Variants in ECE1 observed in about 807,000 individuals in gnomAD.
The protein encoded by ECE1 is endothelin converting enzyme 1.
In ECE1, 35 loss-of-function variants were observed where a neutral mutation model predicts 98.6. That is an observed-to-expected ratio of 0.35 (90% confidence interval 0.27 to 0.47). The LOEUF (loss-of-function observed/expected upper bound fraction) is 0.47. Ranked by LOEUF, ECE1 falls within the 20% of genes least tolerant of loss-of-function variation. The pLI is 1.00. For synonymous variants in ECE1, 394 were observed against 407.1 expected (o/e 0.97, Z 0.39); for missense variants, 814 against 1,025.3 (o/e 0.79, Z 2.81).
At chr1:21,259,434 A>AC (rs2098224006) in intron 5 of ECE1, among the ~76,000 whole-genome samples, 2 of 151,974 alleles carry the variant, frequency 1.3e-5, no homozygotes, top group African/African-American at 4.8e-5. Flanking sequence ...CACCTGGCTA[A>AC]TTTTTAAATT....
Position 21,225,145 on chromosome 1 carries a change from A to G in ECE1, c.2040+105T>C. 2 of 1,466,416 alleles carry G rather than the reference A, an allele frequency of 1.4e-6. No homozygotes were observed. Among genetic ancestry groups the G allele is most frequent in the Non-Finnish European group, 1.9e-6 (2 of 1,075,024 alleles). The allele number at this position is 1,466,416 out of a possible 1,614,324, so 90.8% of individuals were successfully genotyped here. On this transcript the variant is annotated intron_variant, in intron 17 of 18. Transcript: ENST00000374893. This position sits in a 1 kb window ranked among gnomAD's most constrained non-coding sequence, Gnocchi z 5.3. ...CGCAGAAGAGGAAACGGAAGCTCGC[A>G]CGGCTGCTGCGCCTGCCCTGGTTGT...
At chr1:21,289,951 C>T in intron 2 of ECE1, 119 bp downstream of exon 2, 5 of 1,130,302 alleles carry the variant, frequency 4.4e-6, no homozygotes, top group Non-Finnish European at 5.4e-6. Flanking sequence ...GATGCCGGGA[C>T]GAGGGAGGGG....
intron 1 of ECE1, among the ~76,000 whole-genome samples, chr1:21,301,223 G>C (rs544475615): frequency 6.6e-6 from 1 of 152,176 alleles, no homozygotes; most frequent in African/African-American, 2.4e-5. Context: ...GGCCGGGCGC[G>C]GTGGCTCACA....
At chr1:21,245,205 AC>A in intron 9 of ECE1, 102 bp from the exon 10 acceptor site, 2 of 982,086 alleles carry the variant, frequency 2.0e-6, no homozygotes, top group Non-Finnish European at 1.6e-6. Flanking sequence ...TTGGCCTGTG[AC>A]CCCAGGCCCC....
intron 17 of ECE1, among the ~76,000 whole-genome samples, chr1:21,224,552 G>A (rs144663684): frequency 3.1e-4 from 47 of 152,286 alleles, no homozygotes; most frequent in Non-Finnish European, 6.3e-4. Context: ...AATACTCCAA[G>A]CCTGGCACTT....
At position 21,233,012 on chromosome 1, in the gene ECE1, G is replaced by A. The variant is rs370897235; in HGVS notation, c.1670+546C>T. The A allele has an allele frequency of 5.1e-4, 79 of 154,428 alleles. 1 individual carries two copies. The highest frequency in any genetic ancestry group is 2.8e-3 in the Admixed American group (44 of 15,702). 9.6% of individuals were successfully genotyped at this position (154,428 alleles called of 1,614,324 possible). A position where few individuals can be genotyped will look rare whatever the true frequency, so the allele number is the denominator to read the frequency against. On this transcript the variant is annotated intron_variant, in intron 14 of 18. Transcript: ENST00000374893. The surrounding 1 kb of genome is among the most constrained non-coding windows in gnomAD (Gnocchi z 4.0). The stretch of plus-strand genomic sequence containing the variant: ...GTATCTTTGAAAAAGTTCCCCAGAG[G>A]ACTCTGATGTGCAGTGAGCTTTGGG...
chr1:21,318,102 G>A (rs1558430621), intron 1 of ECE1, among the ~76,000 whole-genome samples: 1 of 152,220 alleles, frequency 6.6e-6, no homozygotes, highest in South Asian at 2.1e-4. Flanking sequence ...TCCCAGCTCT[G>A]CACAACTCAA....
At chr1:21,264,377 C>T (rs1388756871) in intron 4 of ECE1, among the ~76,000 whole-genome samples, 4 of 148,092 alleles carry the variant, frequency 2.7e-5, no homozygotes, top group African/African-American at 9.9e-5. Context: ...TGCAGTGGCA[C>T]GAACTTGGCT....
intron 1 of ECE1, chr1:21,299,595 T>C (rs1460609423): frequency 1.3e-5 from 2 of 152,212 alleles, no homozygotes; most frequent in East Asian, 1.9e-4. Flanking sequence ...TACAAAGAGA[T>C]AGTATGTCTG....
Position 21,236,734 on chromosome 1 carries a change from G to A in ECE1, c.1488+12C>T, listed in dbSNP as rs1184483316. ...GCCGCAGCACCCCCTCCAAGTGCCTGGCCAGCCTCACCTTTTCCTTGGCTG... is the reference window on the plus strand; with the variant it reads ...GCCGCAGCACCCCCTCCAAGTGCCTAGCCAGCCTCACCTTTTCCTTGGCTG... On this transcript the variant is annotated intron_variant, in intron 12 of 18. Transcript: ENST00000374893. The A allele has an allele frequency of 6.2e-7, 1 of 1,613,458 alleles. No individual in the cohort carries two copies. The highest frequency in any genetic ancestry group is 2.2e-5 in the East Asian group (1 of 44,858).
At chr1:21,289,256 G>T (rs2098263824) in intron 2 of ECE1, among the ~76,000 whole-genome samples, 1 of 152,010 alleles carries the variant, frequency 6.6e-6, no homozygotes, top group African/African-American at 2.4e-5. Flanking sequence ...CAGATCACTG[G>T]GTCTCCTAGG....
At chr1:21,223,591 G>A (rs779343525) in intron 17 of ECE1, among the ~76,000 whole-genome samples, 5 of 151,846 alleles carry the variant, frequency 3.3e-5, no homozygotes, top group African/African-American at 9.7e-5. Context: ...TCGGCCTCCC[G>A]AGTAGCTGGG....
intron 7 of ECE1, among the ~76,000 whole-genome samples, 198 bp downstream of exon 7, chr1:21,257,327 C>A (rs1284915133): frequency 6.6e-6 from 1 of 152,190 alleles, no homozygotes; most frequent in Non-Finnish European, 1.5e-5. Context: ...TGTCTCTTGC[C>A]CCTTGTGTCC....
intron 8 of ECE1, among the ~76,000 whole-genome samples, chr1:21,253,201 C>T (rs1415706706): frequency 3.3e-5 from 5 of 151,836 alleles, no homozygotes; most frequent in Non-Finnish European, 5.9e-5. Context: ...GGACAACCGG[C>T]GCACACCACC....
intron 1 of ECE1, among the ~76,000 whole-genome samples, chr1:21,339,831 A>G (rs1639368496): frequency 6.6e-6 from 1 of 152,142 alleles, no homozygotes; most frequent in South Asian, 2.1e-4. Flanking sequence ...AGCCATTCCT[A>G]GGCTTGTCAG....
intron 1 of ECE1, among the ~76,000 whole-genome samples, chr1:21,315,574 A>G (rs1273020526): frequency 6.6e-6 from 1 of 152,126 alleles, no homozygotes; most frequent in African/African-American, 2.4e-5. Context: ...CAGGCAGATC[A>G]CTTGAGGTCA....
In ECE1 at chr1:21,233,177, G is replaced by T; in HGVS notation, c.1670+381C>A. 1 of 211,162 alleles carries T rather than the reference G, an allele frequency of 4.7e-6. No homozygotes were observed. Among genetic ancestry groups the T allele is most frequent in the Non-Finnish European group, 9.7e-6 (1 of 102,580 alleles). 13.1% of individuals were successfully genotyped at this position (211,162 alleles called of 1,614,324 possible). A position where few individuals can be genotyped will look rare whatever the true frequency, so the allele number is the denominator to read the frequency against. On this transcript the variant is annotated intron_variant, in intron 14 of 18. Coordinates refer to ENST00000374893, the MANE Select transcript of ECE1 (RefSeq NM_001397.3). The surrounding 1 kb of genome is among the most constrained non-coding windows in gnomAD (Gnocchi z 4.0). Reference sequence around the variant, plus strand: ...CCTCCTTGGGGTCTGGCGCTCCCCAGAGGTCCTCACATTTGACTGCCATGA... The same window carrying T: ...CCTCCTTGGGGTCTGGCGCTCCCCATAGGTCCTCACATTTGACTGCCATGA...
At chr1:21,310,449 C>A (rs1212098225) in intron 1 of ECE1, among the ~76,000 whole-genome samples, 1 of 152,180 alleles carries the variant, frequency 6.6e-6, no homozygotes, top group Non-Finnish European at 1.5e-5. Flanking sequence ...AGAGGTGGGG[C>A]CTGATGCTGT....
At chr1:21,312,283 TA>T (rs1478480627) in intron 1 of ECE1, among the ~76,000 whole-genome samples, 2 of 144,624 alleles carry the variant, frequency 1.4e-5, no homozygotes, top group Non-Finnish European at 3.0e-5. Context: ...ACAAAAAATA[TA>T]AAAATTAGCT....
Sources: gnomAD v4.1 joint callset for allele counts (sites outside exome capture counted in the v4.1 genomes callset) on GRCh38, gnomAD v4.1.1 for gene constraint, Gnocchi (gnomAD v3.1) non-coding constraint, MANE v1.5 for transcripts, NCBI Gene and HGNC (gene_info 2026-07-23, HGNC 2026-07-21) for gene names.